The following RYR2 variants were observed in gnomAD, a reference collection of about 807,000 sequenced individuals.
The protein encoded by RYR2 is cardiac muscle ryanodine receptor-calcium release channel.
In RYR2, 227 loss-of-function variants were observed where a neutral mutation model predicts 601.1. The ratio of observed to expected loss-of-function variants is 0.38; its 90% CI spans 0.34 to 0.42. The LOEUF is 0.42. RYR2 is among the 10% of genes least tolerant of loss of function. The pLI is 1.00. For missense variants in RYR2, 4,646 were observed against 6,156.5 expected, an observed-to-expected ratio of 0.75 and a Z score of 8.21; for synonymous variants, 2,223 against 2,175.1, an observed-to-expected ratio of 1.02 and a Z score of -0.61.
intron 1 of RYR2, among the ~76,000 whole-genome samples, chr1:237,092,373 T>C (rs1008435707): frequency 3.9e-5 from 6 of 152,194 alleles, no homozygotes; most frequent in African/African-American, 1.4e-4. Flanking sequence ...CCCTCTGCTA[T>C]CTTCTCAGGC....
At chr1:237,581,214 T>C (rs771989231) in intron 29 of RYR2, among the ~76,000 whole-genome samples, 3 of 152,216 alleles carry the variant, frequency 2.0e-5, no homozygotes, top group Non-Finnish European at 4.4e-5. Context: ...TACCACATTC[T>C]ACAGTGTCTG....
chr1:237,788,172 G>C, intron 92 of RYR2, 37 bp downstream of exon 92: 1 of 1,506,144 alleles, frequency 6.6e-7, no homozygotes, highest in Non-Finnish European at 9.1e-7. Flanking sequence ...TACTGATATA[G>C]TGCAATACCG....
At position 237,674,726 on chromosome 1, in the gene RYR2, T is replaced by A; in HGVS notation, c.8715-5T>A. 6.3e-7 allele frequency: 1 copy of A among 1,589,238 alleles called. No homozygotes were observed. The highest frequency in any genetic ancestry group is 8.6e-7 in the Non-Finnish European group (1 of 1,158,268). ...GCTTTCCCATTTTCATTTTTGCTCT[T>A]CCAGAGGATTTAAGGACCTGGAACT... On this transcript the variant is annotated splice_polypyrimidine_tract_variant and splice_region_variant and intron_variant, in intron 59 of 104. Transcript: ENST00000366574.
At chr1:237,547,773 C>T (rs1403672854) in intron 25 of RYR2, among the ~76,000 whole-genome samples, 1 of 152,206 alleles carries the variant, frequency 6.6e-6, no homozygotes, top group East Asian at 1.9e-4. Context: ...AATACCTTCT[C>T]TCTCCAGCCT....
At chr1:237,431,063 C>A (rs1456317855) in intron 12 of RYR2, among the ~76,000 whole-genome samples, 1 of 152,190 alleles carries the variant, frequency 6.6e-6, no homozygotes, top group African/African-American at 2.4e-5. Flanking sequence ...GTTCATGGAA[C>A]CACTCGAGTG....
chr1:237,701,585 G>A (rs745794025), intron 65 of RYR2, among the ~76,000 whole-genome samples: 7 of 151,596 alleles, frequency 4.6e-5, no homozygotes, highest in Non-Finnish European at 1.0e-4. Flanking sequence ...ATAAATTTAC[G>A]GGTTTCAAGT....
chr1:237,605,912 A>G (rs1677071717), intron 35 of RYR2, among the ~76,000 whole-genome samples: 3 of 151,360 alleles, frequency 2.0e-5, no homozygotes, highest in African/African-American at 7.3e-5. Flanking sequence ...TCAATGAAAT[A>G]AAAGAGGACA....
chr1:237,609,661 A>G (rs615619), intron 35 of RYR2, among the ~76,000 whole-genome samples: 137,683 of 152,068 alleles, frequency 0.91, 62,760 homozygotes, highest in East Asian at 0.99. Flanking sequence ...CATGGTGCCT[A>G]GCCCAGTCTT....
chr1:237,666,446 G>C, intron 56 of RYR2, 66 bp from the exon 57 acceptor site: 11 of 1,376,672 alleles, frequency 8.0e-6, no homozygotes, highest in Non-Finnish European at 1.1e-5. Flanking sequence ...TATTTTTAAA[G>C]TATAAGTTAA....
intron 1 of RYR2, among the ~76,000 whole-genome samples, chr1:237,204,229 G>A (rs941092768): frequency 1.3e-5 from 2 of 151,870 alleles, no homozygotes; most frequent in Admixed American, 1.3e-4. Flanking sequence ...GGCTGATCTC[G>A]AACACCTAAC....
intron 1 of RYR2, among the ~76,000 whole-genome samples, chr1:237,250,589 G>C (rs6429000): frequency 0.66 from 99,905 of 151,948 alleles, 33,823 homozygotes; most frequent in African/African-American, 0.82. Flanking sequence ...CTCAAAGCCC[G>C]TCTTCCCTTC....
At chr1:237,593,724 A>G in intron 33 of RYR2, 88 bp downstream of exon 33, 1 of 1,372,524 alleles carries the variant, frequency 7.3e-7, no homozygotes, top group Non-Finnish European at 1.0e-6. Context: ...TTTTGTGACC[A>G]AGGTATTTCT....
chr1:237,688,208 G>A (rs1243875946), intron 63 of RYR2, among the ~76,000 whole-genome samples: 3 of 152,294 alleles, frequency 2.0e-5, no homozygotes, highest in East Asian at 3.9e-4. Flanking sequence ...TCCTGCATCC[G>A]ATTTTATAAA....
intron 17 of RYR2, among the ~76,000 whole-genome samples, chr1:237,479,458 G>C (rs909830353): frequency 1.7e-4 from 26 of 152,144 alleles, no homozygotes; most frequent in African/African-American, 5.8e-4. Context: ...TACTGCAGGA[G>C]AACTTTTAAA....
At chr1:237,299,781 C>T (rs1011592704) in intron 2 of RYR2, among the ~76,000 whole-genome samples, 17 of 152,170 alleles carry the variant, frequency 1.1e-4, no homozygotes, top group East Asian at 7.7e-4. Flanking sequence ...TGTTATACTC[C>T]GAACCAATCT....
intron 1 of RYR2, among the ~76,000 whole-genome samples, chr1:237,081,332 C>G (rs1001696109): frequency 7.5e-5 from 11 of 147,294 alleles, no homozygotes; most frequent in African/African-American, 2.7e-4. Context: ...GAGCTACGGA[C>G]TCGATGTACC....
At chr1:237,269,947 C>A (rs992543199) in intron 1 of RYR2, among the ~76,000 whole-genome samples, 4 of 152,194 alleles carry the variant, frequency 2.6e-5, no homozygotes, top group African/African-American at 9.7e-5. Context: ...CATTTTTAAG[C>A]AACCCAGGAT....
rs12594 is a variant in RYR2 at position 237,833,787 on chromosome 1, A to G, written c.*1140A>G. The G allele has an allele frequency of 0.28, 43,119 of 152,524 alleles. 6,614 individuals are homozygous for G. Among genetic ancestry groups the G allele is most frequent in the Middle Eastern group, 0.38 (113 of 294 alleles). 9.4% of individuals were successfully genotyped at this position (152,524 alleles called of 1,614,324 possible). On this transcript the variant is annotated 3_prime_UTR_variant, in exon 105 of 105. Coordinates refer to ENST00000366574, the MANE Select transcript of RYR2 (RefSeq NM_001035.3). The stretch of plus-strand genomic sequence containing the variant: ...TCCATTCAGGGATTTCATCAGTTGC[A>G]TCACAAAACACGGATGATAATATAC...
rs114993095 is a variant in RYR2 at position 237,042,673 on chromosome 1, G to A, written c.48+104G>A. 7.0e-4 allele frequency: 786 copies of A among 1,125,564 alleles called. 8 individuals are homozygous for A. In the African/African-American group the frequency reaches 0.011, roughly 16 times the overall value. The allele number at this position is 1,125,564 out of a possible 1,614,324, so 69.7% of individuals were successfully genotyped here. A position where few individuals can be genotyped will look rare whatever the true frequency, so the allele number is the denominator to read the frequency against. ...AGCGGGCAGCGGGGACTCGCGGGCG[G>A]GGCGAGGGGGTGCCCCCTGAGGATG... On this transcript the variant is annotated intron_variant, in intron 1 of 104. Coordinates refer to ENST00000366574, the MANE Select transcript of RYR2 (RefSeq NM_001035.3).
Sources: allele counts gnomAD v4.1 joint callset (sites outside exome capture counted in the v4.1 genomes callset), GRCh38; gene constraint gnomAD v4.1.1; transcripts MANE v1.5; gene names NCBI Gene and HGNC (gene_info 2026-07-23, HGNC 2026-07-21).